The following LRRFIP2 variants were observed in gnomAD, a reference collection of about 807,000 sequenced individuals.
LRRFIP2 encodes LRR binding FLII interacting protein 2.
LRRFIP2 carries 109 observed loss-of-function variants against 125.9 expected under a neutral mutation model. That is an observed-to-expected ratio of 0.87 (90% CI 0.74 to 1.01). The LOEUF (loss-of-function observed/expected upper bound fraction) is 1.01, where lower values mean the gene tolerates loss of function less well. LRRFIP2 is among the 50% of genes least tolerant of loss of function. The pLI is 0.00. For synonymous variants in LRRFIP2, 291 were observed against 293.1 expected (o/e 0.99, Z 0.07); for missense variants, 850 against 862.3 (o/e 0.99, Z 0.18).
intron 1 of LRRFIP2, among the ~76,000 whole-genome samples, chr3:37,165,024 G>A (rs138124594): frequency 0.38 from 58,149 of 151,428 alleles, 11,833 homozygotes; most frequent in Non-Finnish European, 0.45. Context: ...TCACGAGGTC[G>A]GGAGATCGAG....
In LRRFIP2 at chr3:37,156,673, CAAAAAAAAAAAAA is replaced by C. The variant is rs59647339; in HGVS notation, c.-55-7648_-55-7636del. On this transcript the variant is annotated intron_variant, in intron 1 of 27. Coordinates refer to ENST00000336686, the MANE Select transcript of LRRFIP2 (RefSeq NM_006309.4). ...TGGGCGACAGAGCGAGACTCAGTAT[CAAAAAAAAAAAAA>C]AAAAAAAAAAAAAAAAAGAAGTGTG... is the stretch of plus-strand genomic sequence containing the variant. Among the ~76,000 whole-genome samples, 35 of 30,592 alleles carry C rather than the reference CAAAAAAAAAAAAA, an allele frequency of 1.1e-3. No individual in the cohort carries two copies. In the South Asian group the frequency reaches 0.054, roughly 47 times the overall value. 20.1% of individuals were successfully genotyped at this position (30,592 alleles called of 152,430 possible). A position where few individuals can be genotyped will look rare whatever the true frequency, so the allele number is the denominator to read the frequency against.
At chr3:37,111,217 G>C in intron 8 of LRRFIP2, 152 bp from the exon 9 acceptor site, 1 of 585,150 alleles carries the variant, frequency 1.7e-6, no homozygotes, top group Non-Finnish European at 3.0e-6. Context: ...ATCACATTAA[G>C]TCAAAGTGAC....
intron 1 of LRRFIP2, among the ~76,000 whole-genome samples, chr3:37,156,446 G>A (rs182053116): frequency 6.6e-6 from 1 of 151,812 alleles, no homozygotes; most frequent in Non-Finnish European, 1.5e-5. Context: ...GGCTGAGGCT[G>A]GCAGATCATG....
chr3:37,129,789 T>C (rs1230068809), intron 2 of LRRFIP2, among the ~76,000 whole-genome samples: 1 of 152,062 alleles, frequency 6.6e-6, no homozygotes, highest in Non-Finnish European at 1.5e-5. Context: ...GGCCAAGAGT[T>C]TGAGACCAGC....
At chr3:37,056,599 A>G (rs1000617242) in intron 25 of LRRFIP2, among the ~76,000 whole-genome samples, 4 of 151,856 alleles carry the variant, frequency 2.6e-5, no homozygotes, top group African/African-American at 9.7e-5. Context: ...GACTACAGGC[A>G]CCCGCCACCA....
At chr3:37,166,532 T>C (rs2096493144) in intron 1 of LRRFIP2, among the ~76,000 whole-genome samples, 1 of 151,996 alleles carries the variant, frequency 6.6e-6, no homozygotes, top group African/African-American at 2.4e-5. Context: ...AAGTAGACAT[T>C]TCTTCAAAGA....
In LRRFIP2 at chr3:37,055,723, G is replaced by A. The variant is rs757352926; in HGVS notation, c.1871-558C>T. 2.0e-5 allele frequency among the ~76,000 whole-genome samples: 3 copies of A among 152,140 alleles called. 1 individual carries two copies. The Middle Eastern group carries it at 9.5e-3, about 481-fold the overall frequency. On this transcript the variant is annotated intron_variant, in intron 25 of 27. Coordinates refer to ENST00000336686, the MANE Select transcript of LRRFIP2 (RefSeq NM_006309.4). ...GTTAGAAGAAAATTCTTTACCCTAT[G>A]ATATGTGTGAGCAGGGCTTGAGAAA...
intron 19 of LRRFIP2, among the ~76,000 whole-genome samples, chr3:37,081,032 C>T (rs1014932307): frequency 2.0e-5 from 3 of 151,990 alleles, no homozygotes; most frequent in African/African-American, 7.2e-5. Context: ...GCCTGTAATC[C>T]CAACACTTTG....
chr3:37,123,500 T>C (rs1482593950), intron 4 of LRRFIP2, among the ~76,000 whole-genome samples: 1 of 152,192 alleles, frequency 6.6e-6, no homozygotes, highest in African/African-American at 2.4e-5. Flanking sequence ...CTGATTTACA[T>C]TTTTTATTAT....
chr3:37,100,796 T>G (rs996618923), intron 15 of LRRFIP2, among the ~76,000 whole-genome samples: 4 of 152,164 alleles, frequency 2.6e-5, no homozygotes, highest in Non-Finnish European at 5.9e-5. Flanking sequence ...GCTAGGCAAT[T>G]TAATATAAAG....
chr3:37,087,339 T>A (rs1034546591), intron 18 of LRRFIP2, among the ~76,000 whole-genome samples: 3 of 152,148 alleles, frequency 2.0e-5, no homozygotes, highest in African/African-American at 7.2e-5. Context: ...GAGAGGCTAA[T>A]AGCAGGAAAA....
chr3:37,055,818 G>A (rs1224222064), intron 25 of LRRFIP2, among the ~76,000 whole-genome samples: 1 of 152,096 alleles, frequency 6.6e-6, no homozygotes, highest in Non-Finnish European at 1.5e-5. Context: ...CCCTGCCCAC[G>A]GGACTGGGCC....
intron 21 of LRRFIP2, among the ~76,000 whole-genome samples, chr3:37,071,280 C>T (rs1045087429): frequency 2.0e-5 from 3 of 152,190 alleles, no homozygotes; most frequent in African/African-American, 7.2e-5. Flanking sequence ...TGCCATGGCA[C>T]GATCATAGCT....
chr3:37,100,767 T>C (rs1211070709), intron 15 of LRRFIP2, among the ~76,000 whole-genome samples: 1 of 152,104 alleles, frequency 6.6e-6, no homozygotes, highest in Non-Finnish European at 1.5e-5. Context: ...TCCATACTTA[T>C]GGGGGAAAAA....
At position 37,135,393 on chromosome 3, in the gene LRRFIP2, G is replaced by A. The variant is rs778934863; in HGVS notation, c.91-6244C>T. Among the ~76,000 whole-genome samples, 16 of 151,592 alleles carry A rather than the reference G, an allele frequency of 1.1e-4. 1 individual carries two copies. The highest frequency in any genetic ancestry group is 1.5e-4 in the Non-Finnish European group (10 of 67,920). ...GGAATCGCTTCACCCAGGAGGCGGA[G>A]GCTGCAGTGAGCCGAGATTATGCCA... is the stretch of plus-strand genomic sequence containing the variant. On this transcript the variant is annotated intron_variant, in intron 2 of 27. Transcript: ENST00000336686.
chr3:37,082,534 A>G (rs922689226), intron 19 of LRRFIP2, among the ~76,000 whole-genome samples: 9 of 152,136 alleles, frequency 5.9e-5, no homozygotes, highest in Non-Finnish European at 1.2e-4. Context: ...ACTATCACCC[A>G]AAGTCCAGAG....
chr3:37,128,956 A>T, intron 3 of LRRFIP2, 107 bp downstream of exon 3: 1 of 975,588 alleles, frequency 1.0e-6, no homozygotes, highest in Non-Finnish European at 1.6e-6. Flanking sequence ...ATCAGTTTAT[A>T]CTATTTTCAA....
intron 26 of LRRFIP2, among the ~76,000 whole-genome samples, chr3:37,054,841 T>C (rs2086350210): frequency 6.6e-6 from 1 of 152,154 alleles, no homozygotes; most frequent in Admixed American, 6.6e-5. Flanking sequence ...TAAGGGATTT[T>C]ATTACAAATG....
At chr3:37,117,629 A>G (rs1306356914) in intron 6 of LRRFIP2, among the ~76,000 whole-genome samples, 5 of 152,144 alleles carry the variant, frequency 3.3e-5, no homozygotes, top group Admixed American at 6.5e-5. Flanking sequence ...AAAATTTGCT[A>G]TTGTAATCTT....
Sources: gnomAD v4.1 joint callset for allele counts (sites outside exome capture counted in the v4.1 genomes callset) on GRCh38, gnomAD v4.1.1 for gene constraint, MANE v1.5 for transcripts, NCBI Gene and HGNC (gene_info 2026-07-23, HGNC 2026-07-21) for gene names.